CTNNA2: variants seen among roughly 807,000 people sequenced by gnomAD.
CTNNA2 encodes the protein catenin alpha 2.
A neutral mutation model predicts 101.0 loss-of-function variants in CTNNA2; 42 were observed. The observed-to-expected ratio is 0.42, with a 90% CI of 0.32 to 0.54. The LOEUF (loss-of-function observed/expected upper bound fraction) is 0.54. Among genes scored for constraint, CTNNA2 ranks in the 20% least tolerant of loss-of-function variants. CTNNA2 has a pLI of 0.14. For missense variants in CTNNA2, 871 were observed against 1,223.1 expected (o/e 0.71, Z 4.29); for synonymous variants, 450 against 456.4 (o/e 0.99, Z 0.18).
intron 7 of CTNNA2, among the ~76,000 whole-genome samples, chr2:80,339,125 AT>A (rs956996661): frequency 7.2e-5 from 11 of 151,734 alleles, no homozygotes; most frequent in East Asian, 3.9e-4. Context: ...CATATGGTAG[AT>A]TTTTTTTTAA....
chr2:79,292,628 GC>G (rs1675854859), intron 2 of CTNNA2, among the ~76,000 whole-genome samples: 1 of 152,086 alleles, frequency 6.6e-6, no homozygotes, highest in South Asian at 2.1e-4. Context: ...GGTCATTGAG[GC>G]CCAGATGGAA....
chr2:80,272,712 T>C (rs1322960248), intron 7 of CTNNA2, among the ~76,000 whole-genome samples: 1 of 152,242 alleles, frequency 6.6e-6, no homozygotes, highest in Non-Finnish European at 1.5e-5. Flanking sequence ...TAGTTGTTTA[T>C]TATATTTTAG....
At chr2:80,254,751 A>G (rs1025712137) in intron 7 of CTNNA2, among the ~76,000 whole-genome samples, 2 of 152,192 alleles carry the variant, frequency 1.3e-5, no homozygotes, top group African/African-American at 4.8e-5. Context: ...AATAATAGGT[A>G]GTGTATATAT....
intron 1 of CTNNA2, among the ~76,000 whole-genome samples, chr2:79,567,071 C>G (rs757964699): frequency 6.6e-6 from 1 of 152,078 alleles, no homozygotes; most frequent in Non-Finnish European, 1.5e-5. Flanking sequence ...GATACTTTAA[C>G]AACTGCCACT....
chr2:79,354,623 T>C (rs1405039297), intron 3 of CTNNA2, among the ~76,000 whole-genome samples: 1 of 152,176 alleles, frequency 6.6e-6, no homozygotes, highest in Non-Finnish European at 1.5e-5. Flanking sequence ...TTCTGTTGCA[T>C]CTTATTGAGC....
chr2:79,688,043 C>T (rs568314030), intron 2 of CTNNA2, among the ~76,000 whole-genome samples: 113 of 152,166 alleles, frequency 7.4e-4, no homozygotes, highest in African/African-American at 2.6e-3. Context: ...TTTGAGTTGG[C>T]CCTAAACAAA....
intron 4 of CTNNA2, among the ~76,000 whole-genome samples, chr2:79,377,445 C>A (rs1009094958): frequency 6.6e-6 from 1 of 152,170 alleles, no homozygotes; most frequent in African/African-American, 2.4e-5. Flanking sequence ...AGCTGCTTAG[C>A]CCATAATTGT....
chr2:79,683,793 A>C (rs1257432540), intron 2 of CTNNA2, among the ~76,000 whole-genome samples: 4 of 152,232 alleles, frequency 2.6e-5, no homozygotes, highest in Non-Finnish European at 2.9e-5. Context: ...ACACAGATGC[A>C]TACAGGCAAA....
chr2:80,248,607 T>A (rs1187300913), intron 7 of CTNNA2, among the ~76,000 whole-genome samples: 1 of 152,172 alleles, frequency 6.6e-6, no homozygotes, highest in Non-Finnish European at 1.5e-5. Context: ...TTCCAACCAC[T>A]GTGCTGCTTC....
intron 4 of CTNNA2, among the ~76,000 whole-genome samples, chr2:79,384,324 G>A (rs949580975): frequency 6.7e-6 from 1 of 148,808 alleles, no homozygotes; most frequent in Admixed American, 6.8e-5. Flanking sequence ...TTTCCAGGCT[G>A]TACAAGGAAA....
chr2:79,891,341 T>C (rs1449693639), intron 6 of CTNNA2, among the ~76,000 whole-genome samples: 1 of 152,214 alleles, frequency 6.6e-6, no homozygotes, highest in East Asian at 1.9e-4. Flanking sequence ...TGAATCGCTG[T>C]GTAGAATTTT....
intron 7 of CTNNA2, among the ~76,000 whole-genome samples, chr2:80,321,552 A>G (rs567131732): frequency 6.6e-6 from 1 of 152,364 alleles, no homozygotes; most frequent in Admixed American, 6.5e-5. Context: ...TTTGTGGTGT[A>G]TGAATTCATA....
chr2:79,227,847 G>T (rs562274733), intron 2 of CTNNA2, among the ~76,000 whole-genome samples: 3 of 152,078 alleles, frequency 2.0e-5, no homozygotes, highest in Non-Finnish European at 4.4e-5. Context: ...GGGTCCCAAA[G>T]ATCTTACCAC....
chr2:80,092,371 GA>G (rs1228683578), intron 7 of CTNNA2, among the ~76,000 whole-genome samples: 1 of 151,992 alleles, frequency 6.6e-6, no homozygotes, highest in Non-Finnish European at 1.5e-5. Context: ...AAATTCAGTA[GA>G]AAAAAACAGG....
Position 79,909,551 on chromosome 2 carries a change from T to C in CTNNA2, c.853-43T>C, listed in dbSNP as rs375209107. ...AAAACAGGGTGCCAAGGCAGACCTC[T>C]CTTCTCTGCTGATTTTTGTGTGTGT... On this transcript the variant is annotated intron_variant, in intron 6 of 18. Transcript: ENST00000402739. 5.2e-6 allele frequency: 8 copies of C among 1,528,844 alleles called. No homozygotes were observed. In the African/African-American group the frequency reaches 8.2e-5, roughly 16 times the overall value. The allele number at this position is 1,528,844 out of a possible 1,614,324, so 94.7% of individuals were successfully genotyped here. A position where few individuals can be genotyped will look rare whatever the true frequency, so the allele number is the denominator to read the frequency against.
At chr2:79,486,627 C>A (rs1573188578) in intron 4 of CTNNA2, among the ~76,000 whole-genome samples, 1 of 152,086 alleles carries the variant, frequency 6.6e-6, no homozygotes, top group Non-Finnish European at 1.5e-5. Flanking sequence ...ATTTCTAGTT[C>A]TAGATCCCTG....
chr2:80,561,388 C>A (rs1010538915), intron 12 of CTNNA2, among the ~76,000 whole-genome samples: 1 of 152,156 alleles, frequency 6.6e-6, no homozygotes, highest in African/African-American at 2.4e-5. Context: ...CCTATATACT[C>A]TAAGTATTGT....
intron 3 of CTNNA2, among the ~76,000 whole-genome samples, chr2:79,327,906 G>A (rs1015372194): frequency 6.6e-6 from 1 of 152,142 alleles, no homozygotes; most frequent in African/African-American, 2.4e-5. Flanking sequence ...GAAATCAGAA[G>A]ACTAGTAGGC....
chr2:79,948,271 G>C (rs1285727856), intron 7 of CTNNA2, among the ~76,000 whole-genome samples: 2 of 152,162 alleles, frequency 1.3e-5, no homozygotes, highest in African/African-American at 4.8e-5. Context: ...CATGGTTGCC[G>C]GCTGGTATAT....
Sources: gnomAD v4.1 joint callset for allele counts (sites outside exome capture counted in the v4.1 genomes callset) on GRCh38, gnomAD v4.1.1 for gene constraint, MANE v1.5 for transcripts, NCBI Gene and HGNC (gene_info 2026-07-23, HGNC 2026-07-21) for gene names.